The following CCDC7 variants were observed in gnomAD, a reference collection of about 807,000 sequenced individuals.
CCDC7 encodes the protein coiled-coil domain containing 7, also known as coiled-coil domain-containing protein 7.
CCDC7 carries 183 observed loss-of-function variants against 196.9 expected under a neutral mutation model. That is an observed-to-expected ratio of 0.93 (90% CI 0.82 to 1.05). CCDC7 has a LOEUF of 1.05. Among genes scored for constraint, CCDC7 ranks in the 50% least tolerant of loss-of-function variants. The probability of loss-of-function intolerance (pLI) is 0.00; values close to 1 mark genes in which losing one functional copy is unlikely to be tolerated. For synonymous variants in CCDC7, 525 were observed against 484.6 expected (o/e 1.08, Z -1.10); for missense variants, 1,540 against 1,482.2 (o/e 1.04, Z -0.64).
In CCDC7 at chr10:32,830,127, T is replaced by TATATATATATATATATATATATAG. The variant is rs1555181056; in HGVS notation, c.3269-4674_3269-4673insATATATATAGATATATATATATAT. 1.9e-5 allele frequency among the ~76,000 whole-genome samples: 2 copies of TATATATATATATATATATATATAG among 105,718 alleles called. 1 individual carries two copies. The highest frequency in any genetic ancestry group is 6.7e-4 in the South Asian group (2 of 2,982). The allele number at this position is 105,718 out of a possible 152,430, so 69.4% of individuals were successfully genotyped here. On this transcript the variant is annotated intron_variant, in intron 32 of 41. Coordinates refer to ENST00000639629, the Ensembl canonical transcript of CCDC7. ...TAGTTCTTATATATATAAGGATATA[T>TATATATATATATATATATATATAG]ATATATATATATATCCTATTAGTTC...
intron 28 of CCDC7, among the ~76,000 whole-genome samples, chr10:32,744,250 T>G (rs1157310531): frequency 6.6e-6 from 1 of 152,140 alleles, no homozygotes; most frequent in Non-Finnish European, 1.5e-5. Flanking sequence ...CTATACTGTT[T>G]GCTAAAAAGC....
At chr10:32,760,594 G>T (rs2077294192) in intron 28 of CCDC7, among the ~76,000 whole-genome samples, 1 of 152,084 alleles carries the variant, frequency 6.6e-6, no homozygotes, top group Admixed American at 6.6e-5. Flanking sequence ...GGGGCCTGTT[G>T]TGGGGTGGGA....
intron 28 of CCDC7, among the ~76,000 whole-genome samples, chr10:32,760,231 C>T (rs949820909): frequency 6.6e-6 from 1 of 151,972 alleles, no homozygotes; most frequent in Non-Finnish European, 1.5e-5. Flanking sequence ...TTGACCCAGC[C>T]ATCCCATTAC....
At chr10:32,816,218 C>T (rs562420148) in intron 31 of CCDC7, among the ~76,000 whole-genome samples, 1 of 152,192 alleles carries the variant, frequency 6.6e-6, no homozygotes, top group Non-Finnish European at 1.5e-5. Context: ...GGGTCCTGCG[C>T]CCATGGAGCC....
chr10:32,788,131 C>T (rs2082140702), intron 29 of CCDC7, among the ~76,000 whole-genome samples: 1 of 152,168 alleles, frequency 6.6e-6, no homozygotes, highest in Non-Finnish European at 1.5e-5. Flanking sequence ...GCTGCCCCAG[C>T]ACCAAGCTGG....
At chr10:32,853,992 G>A (rs575362883) in intron 40 of CCDC7, among the ~76,000 whole-genome samples, 1 of 152,242 alleles carries the variant, frequency 6.6e-6, no homozygotes, top group African/African-American at 2.4e-5. Flanking sequence ...CCCAGGCAGT[G>A]AGCACAGTGC....
chr10:32,556,540 G>A (rs748681004), intron 13 of CCDC7, among the ~76,000 whole-genome samples: 27 of 151,906 alleles, frequency 1.8e-4, no homozygotes, highest in Non-Finnish European at 3.5e-4. Flanking sequence ...GCTGAGACTC[G>A]TATTTGAATA....
chr10:32,773,238 A>C (rs1194180543), intron 28 of CCDC7, among the ~76,000 whole-genome samples: 1 of 152,174 alleles, frequency 6.6e-6, no homozygotes, highest in Non-Finnish European at 1.5e-5. Flanking sequence ...AATTTCAGTT[A>C]CTATTTCCTT....
intron 5 of CCDC7, among the ~76,000 whole-genome samples, chr10:32,463,569 T>G (rs2133719788): frequency 6.6e-6 from 1 of 152,348 alleles, no homozygotes; most frequent in East Asian, 1.9e-4. Flanking sequence ...GAAAATACTT[T>G]ATATATGCTG....
chr10:32,827,699 C>T (rs533677442), intron 32 of CCDC7, among the ~76,000 whole-genome samples: 3 of 152,092 alleles, frequency 2.0e-5, no homozygotes, highest in South Asian at 2.1e-4. Flanking sequence ...AGGTAAATGA[C>T]GAGTTAATGG....
intron 33 of CCDC7, among the ~76,000 whole-genome samples, chr10:32,842,731 G>A (rs1354617965): frequency 6.6e-6 from 1 of 151,950 alleles, no homozygotes; most frequent in African/African-American, 2.4e-5. Flanking sequence ...AGAAAATGTG[G>A]TGTGTATATA....
Position 32,571,843 on chromosome 10 carries a change from A to G in CCDC7, c.1420-16A>G. On this transcript the variant is annotated splice_polypyrimidine_tract_variant and intron_variant, in intron 15 of 41. Coordinates refer to ENST00000639629, the Ensembl canonical transcript of CCDC7. ...CATACTTGATATTTTTAAATGTAGT[A>G]TTATCTTTATCACAGATCACTGCCC... 6.5e-7 allele frequency: 1 copy of G among 1,543,658 alleles called. No individual in the cohort carries two copies. The highest frequency in any genetic ancestry group is 8.7e-7 in the Non-Finnish European group (1 of 1,151,274).
chr10:32,628,742 TTTTAA>T (rs1273525935), intron 18 of CCDC7, among the ~76,000 whole-genome samples: 6 of 152,148 alleles, frequency 3.9e-5, no homozygotes, highest in Non-Finnish European at 7.4e-5. Context: ...TTAATTTTCC[TTTTAA>T]TTTCTTTATT....
intron 18 of CCDC7, among the ~76,000 whole-genome samples, chr10:32,598,212 C>T (rs969336421): frequency 7.9e-5 from 12 of 152,100 alleles, no homozygotes; most frequent in African/African-American, 2.7e-4. Context: ...TGGTGGATGC[C>T]CCACCCCCAG....
At chr10:32,548,266 T>C (rs979927003) in intron 13 of CCDC7, among the ~76,000 whole-genome samples, 4 of 152,102 alleles carry the variant, frequency 2.6e-5, no homozygotes, top group South Asian at 2.1e-4. Context: ...CTAATTCCGA[T>C]TGGCTATTTT....
At chr10:32,608,076 G>T (rs570302832) in intron 18 of CCDC7, among the ~76,000 whole-genome samples, 2 of 151,912 alleles carry the variant, frequency 1.3e-5, no homozygotes, top group Non-Finnish European at 1.5e-5. Flanking sequence ...TCTCTTCCAC[G>T]TTTTCCAATT....
chr10:32,695,019 A>C (rs1298578368), intron 24 of CCDC7, 27 bp downstream of exon 25: 1 of 1,245,982 alleles, frequency 8.0e-7, no homozygotes, highest in South Asian at 1.6e-5. Flanking sequence ...TAGATAACTT[A>C]AAAATTTTAA....
intron 25 of CCDC7, 79 bp downstream of exon 26, chr10:32,711,809 G>C: frequency 2.9e-6 from 2 of 683,428 alleles, no homozygotes; most frequent in Non-Finnish European, 4.6e-6. Flanking sequence ...TCATACTTAC[G>C]TATTTGAGAA....
intron 11 of CCDC7, among the ~76,000 whole-genome samples, chr10:32,534,869 A>G (rs527443259): frequency 6.6e-6 from 1 of 152,086 alleles, no homozygotes; most frequent in East Asian, 1.9e-4. Flanking sequence ...TGTTGTTGGT[A>G]ATATTTCTCC....
Sources: allele counts gnomAD v4.1 joint callset (sites outside exome capture counted in the v4.1 genomes callset), GRCh38; gene constraint gnomAD v4.1.1; transcripts MANE v1.5; gene names NCBI Gene and HGNC (gene_info 2026-07-23, HGNC 2026-07-21).